SMCO1: variants seen among roughly 807,000 people sequenced by gnomAD.
SMCO1 encodes single-pass membrane and coiled-coil domain-containing protein 1.
Under a neutral mutation model 7.5 loss-of-function variants are expected in SMCO1, and 9 were observed. The observed-to-expected ratio is 1.20, with a 90% CI of 0.72 to 2.09. The LOEUF (loss-of-function observed/expected upper bound fraction) is 2.09. Ranked by LOEUF, SMCO1 falls within the 30% of genes most tolerant of loss-of-function variation. The pLI is 0.00. For synonymous variants in SMCO1, 90 were observed against 93.8 expected (o/e 0.96, Z 0.23); for missense variants, 219 against 253.1 (o/e 0.87, Z 0.91).
At chr3:196,516,779 G>C (rs1363626788), upstream of SMCO1, among the ~76,000 whole-genome samples, 1 of 152,068 alleles carries the variant, frequency 6.6e-6, no homozygotes, top group East Asian at 1.9e-4. Flanking sequence ...AAGGAGTTTG[G>C]ACAGATGTGA....
chr3:196,513,411 A>G (rs560996319), intron 1 of SMCO1, among the ~76,000 whole-genome samples: 11 of 152,172 alleles, frequency 7.2e-5, no homozygotes, highest in Admixed American at 3.3e-4. Flanking sequence ...CAGGTGGATC[A>G]TGAGGTCAAG....
intron 1 of SMCO1, among the ~76,000 whole-genome samples, chr3:196,510,154 TAG>T (rs1478706478): frequency 6.6e-6 from 1 of 152,080 alleles, no homozygotes; most frequent in Non-Finnish European, 1.5e-5. Flanking sequence ...ATATTTTTTG[TAG>T]AGACCAGGTA....
At chr3:196,513,913 C>G (rs1283324380) in intron 1 of SMCO1, among the ~76,000 whole-genome samples, 2 of 152,180 alleles carry the variant, frequency 1.3e-5, no homozygotes, top group African/African-American at 2.4e-5. Flanking sequence ...ACCTCACCAT[C>G]CAATCAATTG....
At chr3:196,516,032 A>AG, upstream of SMCO1, among the ~76,000 whole-genome samples, 1 of 77,590 alleles carries the variant, frequency 1.3e-5, no homozygotes, top group Admixed American at 1.7e-4. Context: ...TATATATATA[A>AG]TTATATATAA....
chr3:196,512,821 T>C (rs1733286204), intron 1 of SMCO1, among the ~76,000 whole-genome samples: 3 of 152,160 alleles, frequency 2.0e-5, no homozygotes, highest in Non-Finnish European at 2.9e-5. Flanking sequence ...AGATGTATTT[T>C]CAATATGTTT....
upstream of SMCO1, among the ~76,000 whole-genome samples, chr3:196,515,978 A>T (rs1389147203): frequency 2.0e-5 from 1 of 49,716 alleles, no homozygotes; most frequent in African/African-American, 1.8e-4. Context: ...CAGCCCGGGC[A>T]AGAGGATAGG....
upstream of SMCO1, among the ~76,000 whole-genome samples, chr3:196,517,863 T>C (rs141839135): frequency 4.4e-3 from 670 of 152,198 alleles, 7 homozygotes; most frequent in African/African-American, 0.015. Context: ...TTTAGTCAGC[T>C]AGAAAGGGTA....
At chr3:196,512,693 A>G (rs1733280977) in intron 1 of SMCO1, among the ~76,000 whole-genome samples, 1 of 150,792 alleles carries the variant, frequency 6.6e-6, no homozygotes. Context: ...TTTTTAGTAG[A>G]GATGGGGTTT....
chr3:196,519,314 C>T (rs1418727035), upstream of SMCO1, among the ~76,000 whole-genome samples: 1 of 152,224 alleles, frequency 6.6e-6, no homozygotes, highest in Non-Finnish European at 1.5e-5. Flanking sequence ...CTCGTGCGAG[C>T]ACGTGGTATA....
chr3:196,511,395 T>C (rs565627224), intron 1 of SMCO1, among the ~76,000 whole-genome samples: 57 of 145,130 alleles, frequency 3.9e-4, no homozygotes, highest in Non-Finnish European at 7.3e-4. Context: ...ATTGTCCTTA[T>C]GAGGGAAACC....
At chr3:196,517,104 C>CAAAAAAAAAAAAAAA (rs56104987), upstream of SMCO1, among the ~76,000 whole-genome samples, 2 of 35,738 alleles carry the variant, frequency 5.6e-5, no homozygotes, top group African/African-American at 3.2e-4. Flanking sequence ...GACTCCATCG[C>CAAAAAAAAAAAAAAA]AAAAAAAAAA....
At chr3:196,512,123 A>G (rs1733256810) in intron 1 of SMCO1, among the ~76,000 whole-genome samples, 1 of 151,100 alleles carries the variant, frequency 6.6e-6, no homozygotes, top group Non-Finnish European at 1.5e-5. Context: ...TGAGCCACCT[A>G]GATTGTGGTT....
At chr3:196,519,367 T>C (rs1733449932), upstream of SMCO1, among the ~76,000 whole-genome samples, 1 of 152,252 alleles carries the variant, frequency 6.6e-6, no homozygotes, top group African/African-American at 2.4e-5. Flanking sequence ...AAATCCCCTC[T>C]GTAAGACACG....
intron 1 of SMCO1, among the ~76,000 whole-genome samples, chr3:196,512,516 T>C (rs915431494): frequency 4.8e-5 from 7 of 145,046 alleles, no homozygotes; most frequent in South Asian, 4.4e-4. Context: ...TTTCTTTTTT[T>C]TTTTTTTTTT....
At chr3:196,508,579 C>T (rs890562069) in intron 2 of SMCO1, among the ~76,000 whole-genome samples, 5 of 151,076 alleles carry the variant, frequency 3.3e-5, no homozygotes, top group Admixed American at 6.6e-5. Flanking sequence ...CCTGTCGCCT[C>T]GGCTTCCCAG....
At chr3:196,511,064 A>G (rs1378447004) in intron 1 of SMCO1, among the ~76,000 whole-genome samples, 2 of 152,168 alleles carry the variant, frequency 1.3e-5, no homozygotes, top group East Asian at 3.8e-4. Context: ...TGTCCTTATG[A>G]GGGAAACTTG....
chr3:196,520,267 T>A (rs576879108), upstream of SMCO1, among the ~76,000 whole-genome samples: 3 of 152,338 alleles, frequency 2.0e-5, no homozygotes, highest in African/African-American at 2.4e-5. Context: ...GTCCCCTATG[T>A]ACAGGCTTTC....
rs775719353 is a variant in SMCO1 at position 196,515,159 on chromosome 3, C to G, written c.50+1G>C. The G allele has an allele frequency of 1.2e-6, 2 of 1,614,116 alleles. No homozygotes were observed. The highest frequency in any genetic ancestry group is 1.7e-6 in the Non-Finnish European group (2 of 1,179,966). On this transcript the variant is annotated splice_donor_variant, in intron 1 of 2. Coordinates refer to ENST00000397537, the MANE Select transcript of SMCO1 (RefSeq NM_001077657.3). LOFTEE classifies it high-confidence loss of function. ...GCTCCCTCCCTATAGCCCTCAGCAA[C>G]CTTTTCATTGCCTCCTTCAAGGATA...
intron 2 of SMCO1, 21 bp downstream of exon 2, chr3:196,509,499 G>T: frequency 6.3e-7 from 1 of 1,590,080 alleles, no homozygotes; most frequent in Non-Finnish European, 8.6e-7. Flanking sequence ...GAATCCCACT[G>T]ATTTCTCAAT....
Sources: allele counts gnomAD v4.1 joint callset (sites outside exome capture counted in the v4.1 genomes callset), GRCh38; gene constraint gnomAD v4.1.1; transcripts MANE v1.5; gene names NCBI Gene and HGNC (gene_info 2026-07-23, HGNC 2026-07-21).